Variants in CDH12 observed in about 807,000 individuals in gnomAD.
CDH12 encodes the protein cadherin 12, also known as cadherin-12.
CDH12 carries 41 observed loss-of-function variants against 74.1 expected under a neutral mutation model. That is an observed-to-expected ratio of 0.55 (90% CI 0.43 to 0.72). The LOEUF is 0.72. Among genes scored for constraint, CDH12 ranks in the 30% least tolerant of loss-of-function variants. CDH12 has a pLI of 0.00. For synonymous variants in CDH12, 399 were observed against 355.0 expected (o/e 1.12, Z -1.39); for missense variants, 945 against 977.2 (o/e 0.97, Z 0.44).
In CDH12 at chr5:21,940,797, T is replaced by G. The variant is rs188954534; in HGVS notation, c.526+34294A>C. On this transcript the variant is annotated intron_variant, in intron 6 of 14. Transcript: ENST00000382254. The stretch of plus-strand genomic sequence containing the variant: ...TGTAATTGTCACAGAAAGTCTTACG[T>G]GTACATTTGGACAATGTCTCTATCT... Among the ~76,000 whole-genome samples the G allele has an allele frequency of 1.3e-3, 205 of 152,252 alleles. No homozygotes were observed. The Middle Eastern group carries it at 0.014, about 10-fold the overall frequency.
At chr5:22,809,079 G>A (rs1335250165) in intron 1 of CDH12, among the ~76,000 whole-genome samples, 2 of 150,894 alleles carry the variant, frequency 1.3e-5, no homozygotes, top group African/African-American at 4.9e-5. Flanking sequence ...TTCAAAGTTC[G>A]TTGAAGGCAA....
At position 21,975,187 on chromosome 5, in the gene CDH12, A is replaced by G; in HGVS notation, c.430T>C (p.Ser144Pro). The G allele has an allele frequency of 1.9e-6, 3 of 1,597,108 alleles. No homozygotes were observed. The highest frequency in any genetic ancestry group is 2.5e-6 in the Non-Finnish European group (3 of 1,179,446). ...IETRKPLEPESEFIIKVQDIN... is the reference protein window; with the variant it reads ...IETRKPLEPEPEFIIKVQDIN... ...TCCTGCACTTTGATGATGAATTCTG[A>G]TTCAGGCTCCAGGGGCTTTCTGGTT... The change falls in exon 6 of 15, where the codon TCA becomes CCA. Residue 144 changes from serine (S) to proline (P), a missense_variant. Transcript: ENST00000382254.
chr5:22,173,957 G>T (rs1373499534), intron 4 of CDH12, among the ~76,000 whole-genome samples: 1 of 151,898 alleles, frequency 6.6e-6, no homozygotes, highest in Non-Finnish European at 1.5e-5. Flanking sequence ...GTTTGGCCAG[G>T]AATCACTTTT....
In CDH12 at chr5:22,384,547, G is replaced by A. The variant is rs367866960; in HGVS notation, c.-333+20710C>T. 2.7e-3 allele frequency among the ~76,000 whole-genome samples: 332 copies of A among 124,432 alleles called. 1 individual carries two copies. Among genetic ancestry groups the A allele is most frequent in the Middle Eastern group, 8.2e-3 (2 of 244 alleles). 81.6% of individuals were successfully genotyped at this position (124,432 alleles called of 152,430 possible). A position where few individuals can be genotyped will look rare whatever the true frequency, so the allele number is the denominator to read the frequency against. Reference sequence around the variant, plus strand: ...TCTCAAAAAAAAAAAAAAAGAAAAAGAAAAAGAAAAGAAAATGTCTTTTTT... The same window carrying A: ...TCTCAAAAAAAAAAAAAAAGAAAAAAAAAAAGAAAAGAAAATGTCTTTTTT... On this transcript the variant is annotated intron_variant, in intron 3 of 14. Transcript: ENST00000382254.
intron 1 of CDH12, among the ~76,000 whole-genome samples, chr5:22,561,795 A>G (rs989193531): frequency 1.3e-5 from 2 of 152,212 alleles, no homozygotes; most frequent in Non-Finnish European, 2.9e-5. Context: ...CAAGTACTTC[A>G]TAAGAATTAC....
chr5:22,718,050 T>G (rs533091631), intron 1 of CDH12, among the ~76,000 whole-genome samples: 4 of 152,306 alleles, frequency 2.6e-5, no homozygotes, highest in Admixed American at 2.6e-4. Context: ...CCTCATGCAT[T>G]TTAAGAATGC....
chr5:21,979,272 A>G (rs532125075), intron 5 of CDH12, among the ~76,000 whole-genome samples: 13 of 152,310 alleles, frequency 8.5e-5, no homozygotes, highest in African/African-American at 3.1e-4. Context: ...ATCTTTTAGT[A>G]TTGACACTTA....
At chr5:22,684,531 C>T (rs1055710840) in intron 1 of CDH12, among the ~76,000 whole-genome samples, 1 of 152,126 alleles carries the variant, frequency 6.6e-6, no homozygotes, top group Non-Finnish European at 1.5e-5. Flanking sequence ...ACTGCGTATG[C>T]CATTACCAGC....
intron 1 of CDH12, among the ~76,000 whole-genome samples, chr5:22,572,959 G>T (rs1411797989): frequency 1.3e-5 from 2 of 152,106 alleles, no homozygotes; most frequent in Non-Finnish European, 2.9e-5. Context: ...ATTCCACATA[G>T]TTTGGGAAAC....
intron 1 of CDH12, among the ~76,000 whole-genome samples, chr5:22,807,970 A>C (rs1748904080): frequency 6.6e-6 from 1 of 152,232 alleles, no homozygotes; most frequent in Non-Finnish European, 1.5e-5. Flanking sequence ...TATAAAAAAT[A>C]AAGTAATTGT....
At chr5:22,323,315 A>G (rs2920758) in intron 3 of CDH12, among the ~76,000 whole-genome samples, 2 of 151,912 alleles carry the variant, frequency 1.3e-5, no homozygotes, top group African/African-American at 4.8e-5. Flanking sequence ...ATATTAGATA[A>G]AAACATATGT....
chr5:22,257,018 T>G lies in CDH12; in HGVS notation c.-332-44375A>C, dbSNP rs375151523. 5.3e-5 allele frequency among the ~76,000 whole-genome samples: 8 copies of G among 152,304 alleles called. No individual in the cohort carries two copies. In the East Asian group the frequency reaches 1.5e-3, roughly 29 times the overall value. The stretch of plus-strand genomic sequence containing the variant: ...AAAAAAAGAATGAGATAATGTCCTT[T>G]GTAGGGACATGGTTGGAACTAGAGG... On this transcript the variant is annotated intron_variant, in intron 3 of 14. Transcript: ENST00000382254.
At chr5:22,355,803 A>G (rs1041419669) in intron 3 of CDH12, among the ~76,000 whole-genome samples, 1 of 152,032 alleles carries the variant, frequency 6.6e-6, no homozygotes, top group African/African-American at 2.4e-5. Flanking sequence ...GTACAAATAC[A>G]TACATACATA....
chr5:21,777,751 A>G (rs1358822615), intron 11 of CDH12, among the ~76,000 whole-genome samples: 1 of 152,190 alleles, frequency 6.6e-6, no homozygotes, highest in Non-Finnish European at 1.5e-5. Context: ...TTGGCCTCCC[A>G]AAGTGCTGGG....
intron 2 of CDH12, among the ~76,000 whole-genome samples, chr5:22,493,080 C>T (rs1746954178): frequency 6.6e-6 from 1 of 152,184 alleles, no homozygotes; most frequent in African/African-American, 2.4e-5. Flanking sequence ...GTCCCCTCTA[C>T]TCGTTTTTAC....
chr5:21,787,158 C>T (rs1285547592), intron 10 of CDH12, among the ~76,000 whole-genome samples: 1 of 152,046 alleles, frequency 6.6e-6, no homozygotes, highest in Non-Finnish European at 1.5e-5. Flanking sequence ...GGATTGACTC[C>T]AATTTTGAAA....
intron 3 of CDH12, among the ~76,000 whole-genome samples, chr5:22,320,144 CT>C (rs1738806977): frequency 6.6e-6 from 1 of 152,036 alleles, no homozygotes; most frequent in Non-Finnish European, 1.5e-5. Flanking sequence ...GACTTGTGTC[CT>C]GAGAAGGTGG....
At chr5:21,771,946 C>T (rs1317202766) in intron 11 of CDH12, among the ~76,000 whole-genome samples, 3 of 152,078 alleles carry the variant, frequency 2.0e-5, no homozygotes, top group Non-Finnish European at 4.4e-5. Flanking sequence ...TCTGTTTTGT[C>T]ATTCGTAAGA....
At chr5:22,016,904 T>A (rs1015810386) in intron 5 of CDH12, among the ~76,000 whole-genome samples, 22 of 152,226 alleles carry the variant, frequency 1.4e-4, no homozygotes, top group Admixed American at 5.9e-4. Context: ...TGAGACTACA[T>A]TTATTGATCT....
Sources: gnomAD v4.1 joint callset for allele counts (sites outside exome capture counted in the v4.1 genomes callset) on GRCh38, gnomAD v4.1.1 for gene constraint, MANE v1.5 for transcripts, NCBI Gene and HGNC (gene_info 2026-07-23, HGNC 2026-07-21) for gene names.